GOLT1A: variants seen among roughly 807,000 people sequenced by gnomAD.
GOLT1A encodes golgi transport 1A.
In GOLT1A, 10 loss-of-function variants were observed where a neutral mutation model predicts 16.1. The ratio of observed to expected loss-of-function variants is 0.62; its 90% CI spans 0.38 to 1.05. The LOEUF (loss-of-function observed/expected upper bound fraction) is 1.05, where lower values mean the gene tolerates loss of function less well. Ranked by LOEUF, GOLT1A falls within the 50% of genes least tolerant of loss-of-function variation. The pLI is 0.01. For synonymous variants in GOLT1A, 60 were observed against 67.9 expected, an observed-to-expected ratio of 0.88 and a Z score of 0.57; for missense variants, 137 against 165.7, an observed-to-expected ratio of 0.83 and a Z score of 0.95.
chr1:204,203,289 C>T (rs1475144220), intron 1 of GOLT1A, among the ~76,000 whole-genome samples: 3 of 152,196 alleles, frequency 2.0e-5, no homozygotes, highest in Non-Finnish European at 4.4e-5. Flanking sequence ...TCAGCCTCCT[C>T]TTGTCCTCAA....
intron 1 of GOLT1A, among the ~76,000 whole-genome samples, chr1:204,203,939 G>A (rs530025011): frequency 6.6e-6 from 1 of 152,104 alleles, no homozygotes; most frequent in Non-Finnish European, 1.5e-5. Context: ...GGACATGAAG[G>A]CCCCCTCGTT....
chr1:204,208,022 G>T (rs1455371641), intron 1 of GOLT1A, among the ~76,000 whole-genome samples: 1 of 152,166 alleles, frequency 6.6e-6, no homozygotes, highest in Non-Finnish European at 1.5e-5. Context: ...TGTTGGCGTG[G>T]ATGTGGTGAA....
At chr1:204,213,571 T>C (rs1557988820) in intron 1 of GOLT1A, among the ~76,000 whole-genome samples, 1 of 152,204 alleles carries the variant, frequency 6.6e-6, no homozygotes, top group East Asian at 1.9e-4. Flanking sequence ...AGAGGCCTCC[T>C]GAGTCCACCT....
chr1:204,202,557 G>A (rs76810987), intron 2 of GOLT1A, among the ~76,000 whole-genome samples: 3,736 of 152,032 alleles, frequency 0.025, 151 homozygotes, highest in African/African-American at 0.086. Flanking sequence ...TGTATGTCAT[G>A]TTATATCTCT....
At chr1:204,200,629 TAAAATGACATATTTGAATATGG>T (rs1417867192) in intron 3 of GOLT1A, among the ~76,000 whole-genome samples, 2 of 151,960 alleles carry the variant, frequency 1.3e-5, no homozygotes, top group African/African-American at 4.8e-5. Flanking sequence ...CACCCAGCCA[TAAAATGACATATTTGAATATGG>T]AATAAATAGA....
intron 1 of GOLT1A, among the ~76,000 whole-genome samples, chr1:204,206,319 G>A (rs1452578855): frequency 4.6e-5 from 7 of 152,210 alleles, no homozygotes; most frequent in African/African-American, 1.7e-4. Flanking sequence ...ATTTGGGCTT[G>A]TTTCCTACTT....
intron 1 of GOLT1A, 24 bp from the exon 2 acceptor site, chr1:204,203,011 GAGGAA>G (rs758628323): frequency 1.2e-6 from 2 of 1,601,112 alleles, no homozygotes; most frequent in African/African-American, 2.7e-5. Flanking sequence ...GGAGGTGGTG[GAGGAA>G]AGGGCTTTGG....
intron 2 of GOLT1A, 40 bp downstream of exon 2, chr1:204,202,856 T>TCCCC (rs1658982619): frequency 7.0e-7 from 1 of 1,426,930 alleles, no homozygotes; most frequent in Non-Finnish European, 9.9e-7. Context: ...TTCAGAAAGG[T>TCCCC]TGGGGCAGGG....
chr1:204,199,434 G>T (rs1030739371), intron 3 of GOLT1A, among the ~76,000 whole-genome samples, 176 bp from the exon 4 acceptor site: 1 of 151,944 alleles, frequency 6.6e-6, no homozygotes, highest in Admixed American at 6.5e-5. Context: ...AAGAATGAAG[G>T]CCCCAGGGTC....
chr1:204,200,322 T>TATATATATATATATATATATATATCTATA (rs1376686184), intron 3 of GOLT1A, among the ~76,000 whole-genome samples: 1 of 111,012 alleles, frequency 9.0e-6, no homozygotes, highest in Non-Finnish European at 1.7e-5. Flanking sequence ...TATATATATG[T>TATATATATATATATATATATATATCTATA]TTTTGTTTTT....
At chr1:204,208,728 A>G (rs1440419270) in intron 1 of GOLT1A, among the ~76,000 whole-genome samples, 1 of 152,050 alleles carries the variant, frequency 6.6e-6, no homozygotes, top group South Asian at 2.1e-4. Flanking sequence ...GGGCTGAAGG[A>G]TACAAGACTA....
At chr1:204,208,349 CAT>C (rs1456019760) in intron 1 of GOLT1A, among the ~76,000 whole-genome samples, 10 of 76,554 alleles carry the variant, frequency 1.3e-4, no homozygotes, top group African/African-American at 3.4e-4. Context: ...TATATACACA[CAT>C]GTATGTATAT....
Position 204,198,383 on chromosome 1 carries a change from C to T in GOLT1A, c.*75G>A. The T allele has an allele frequency of 2.2e-6, 3 of 1,366,386 alleles. No homozygotes were observed. The highest frequency in any genetic ancestry group is 2.1e-6 in the Non-Finnish European group (2 of 957,502). The allele number at this position is 1,366,386 out of a possible 1,614,324, so 84.6% of individuals were successfully genotyped here. A position where few individuals can be genotyped will look rare whatever the true frequency, so the allele number is the denominator to read the frequency against. On this transcript the variant is annotated 3_prime_UTR_variant, in exon 5 of 5. Transcript: ENST00000308302. Reference sequence around the variant, plus strand: ...TCGGGGAGTGAGTCAGTGCAGGGGACTGAGGGGGTGGTTCCCATTCTCCCT... The same window carrying T: ...TCGGGGAGTGAGTCAGTGCAGGGGATTGAGGGGGTGGTTCCCATTCTCCCT...
In GOLT1A at chr1:204,203,000, A is replaced by G. The variant is rs778310268; in HGVS notation, c.26-13T>C. ...CCCACACCAATCTCTGCAATGGGCAAGGAGGTGGTGGAGGAAAGGGCTTTG... is the reference window on the plus strand; with the variant it reads ...CCCACACCAATCTCTGCAATGGGCAGGGAGGTGGTGGAGGAAAGGGCTTTG... On this transcript the variant is annotated splice_polypyrimidine_tract_variant and intron_variant, in intron 1 of 4. Transcript: ENST00000308302. 4 of 1,611,496 alleles carry G rather than the reference A, an allele frequency of 2.5e-6. No homozygotes were observed. The highest frequency in any genetic ancestry group is 3.4e-6 in the Non-Finnish European group (4 of 1,177,846).
At chr1:204,208,715 G>A (rs1337609259) in intron 1 of GOLT1A, among the ~76,000 whole-genome samples, 1 of 151,706 alleles carries the variant, frequency 6.6e-6, no homozygotes, top group East Asian at 1.9e-4. Context: ...GAAAGGGTAG[G>A]AGGGGCTGAA....
At chr1:204,200,456 T>G (rs1658939308) in intron 3 of GOLT1A, among the ~76,000 whole-genome samples, 1 of 151,300 alleles carries the variant, frequency 6.6e-6, no homozygotes, top group Non-Finnish European at 1.5e-5. Flanking sequence ...CCCGAGTAGC[T>G]GGGATTACAG....
intron 1 of GOLT1A, among the ~76,000 whole-genome samples, chr1:204,207,882 A>G (rs995323387): frequency 2.0e-5 from 3 of 152,172 alleles, no homozygotes; most frequent in African/African-American, 7.2e-5. Context: ...AGATATACAA[A>G]CAGCCAACAA....
In GOLT1A at chr1:204,213,923, G is replaced by T. The variant is rs373387343; in HGVS notation, c.-17C>A. Reference sequence around the variant, plus strand: ...GGAGATCATGCCGCACTCAGCCTGGGGGGCTTTCCGGGTGGAAGCGGGCAA... The same window carrying T: ...GGAGATCATGCCGCACTCAGCCTGGTGGGCTTTCCGGGTGGAAGCGGGCAA... On this transcript the variant is annotated 5_prime_UTR_variant, in exon 1 of 5. Transcript: ENST00000308302. 6 of 1,612,564 alleles carry T rather than the reference G, an allele frequency of 3.7e-6. No homozygotes were observed. Among genetic ancestry groups the T allele is most frequent in the Non-Finnish European group, 5.1e-6 (6 of 1,179,564 alleles).
intron 3 of GOLT1A, 37 bp from the exon 4 acceptor site, chr1:204,199,295 G>T (rs763806051): frequency 1.2e-5 from 18 of 1,541,470 alleles, no homozygotes; most frequent in Non-Finnish European, 1.6e-5. Flanking sequence ...GTCAGTGATG[G>T]CCCAGGAAGA....
Sources: gnomAD v4.1 joint callset for allele counts (sites outside exome capture counted in the v4.1 genomes callset) on GRCh38, gnomAD v4.1.1 for gene constraint, MANE v1.5 for transcripts, NCBI Gene and HGNC (gene_info 2026-07-23, HGNC 2026-07-21) for gene names.